MS4A14: variants seen among roughly 807,000 people sequenced by gnomAD.
MS4A14 encodes the protein membrane spanning 4-domains A14.
Under a neutral mutation model 16.7 loss-of-function variants are expected in MS4A14, and 18 were observed. The ratio of observed to expected loss-of-function variants is 1.08; its 90% confidence interval spans 0.75 to 1.60. The LOEUF is 1.60. Among genes scored for constraint, MS4A14 ranks in the 40% most tolerant of loss-of-function variants. The probability of loss-of-function intolerance (pLI) is 0.00; values close to 1 mark genes in which losing one functional copy is unlikely to be tolerated. For missense variants in MS4A14, 812 were observed against 775.3 expected (o/e 1.05, Z -0.56); for synonymous variants, 305 against 289.4 (o/e 1.05, Z -0.55).
rs888439286 is a variant in MS4A14 at position 60,416,153 on chromosome 11, G to A, written c.1185G>A (p.Met395Ile). The stretch of plus-strand genomic sequence containing the variant: ...CTCAAGACACACCATCCCACGCCAT[G>A]CCACCTCAAGACATACCTTCCCAAG... Reference protein sequence around the residue: ...MLSQDTPSHAMPPQDIPSQDM... With the variant: ...MLSQDTPSHAIPPQDIPSQDM... Residue 395 changes from methionine (M) to isoleucine (I), a missense_variant, in exon 5 of 5, where the codon ATG (methionine) becomes ATA (isoleucine). By Grantham distance (10) the Met-to-Ile change is conservative. Transcript: ENST00000300187. 1.9e-6 allele frequency: 3 copies of A among 1,612,460 alleles called. No homozygotes were observed. Among genetic ancestry groups the A allele is most frequent in the African/African-American group, 1.3e-5 (1 of 74,764 alleles).
At chr11:60,406,872 AGTACTCTCT>A (rs1234374301) in intron 4 of MS4A14, among the ~76,000 whole-genome samples, 1 of 152,096 alleles carries the variant, frequency 6.6e-6, no homozygotes, top group Non-Finnish European at 1.5e-5. Context: ...ATCATAAGTA[AGTACTCTCT>A]GTATATGGCT....
At chr11:60,411,137 T>C (rs7106239) in intron 4 of MS4A14, among the ~76,000 whole-genome samples, 113,255 of 152,130 alleles carry the variant, frequency 0.74, 42,336 homozygotes, top group African/African-American at 0.81. Flanking sequence ...TGAGCCACTG[T>C]GCCCGGCCCT....
chr11:60,414,254 G>A (rs114876322), intron 4 of MS4A14, among the ~76,000 whole-genome samples: 16 of 152,004 alleles, frequency 1.1e-4, no homozygotes, highest in African/African-American at 3.9e-4. Flanking sequence ...TAGAAATATA[G>A]AAATCTCTTC....
In MS4A14 at chr11:60,416,218, C is replaced by G. The variant is rs1443952928; in HGVS notation, c.1250C>G (p.Pro417Arg). 1.2e-6 allele frequency: 2 copies of G among 1,613,902 alleles called. No homozygotes were observed. Among genetic ancestry groups the G allele is most frequent in the Non-Finnish European group, 1.7e-6 (2 of 1,179,926 alleles). ...SQALSAHAIL[P>R]EASTSHIVQF... ...GCTCTATCAGCGCATGCCATATTACCTGAAGCCTCAACATCCCATATTGTG... is the reference window on the plus strand; with the variant it reads ...GCTCTATCAGCGCATGCCATATTACGTGAAGCCTCAACATCCCATATTGTG... The change falls in exon 5 of 5, where the codon CCT becomes CGT. Residue 417 changes from proline to arginine, a missense_variant. Physicochemically the swap from Pro to Arg is moderately radical, Grantham distance 103. Coordinates refer to ENST00000300187, the MANE Select transcript of MS4A14 (RefSeq NM_032597.5).
At position 60,416,649 on chromosome 11, in the gene MS4A14, C is replaced by A; in HGVS notation, c.1681C>A (p.Leu561Ile). The A allele has an allele frequency of 6.2e-7, 1 of 1,613,860 alleles. No individual in the cohort carries two copies. Among genetic ancestry groups the A allele is most frequent in the Non-Finnish European group, 8.5e-7 (1 of 1,179,958 alleles). The change falls in exon 5 of 5, where the codon CTC becomes ATC. Residue 561 changes from leucine to isoleucine, a missense_variant. Transcript: ENST00000300187. ...QAQLNQTKEQ[L>I]PDQQAEDQQA... is the part of the protein sequence containing the mutation. The stretch of plus-strand genomic sequence containing the variant: ...TCAACTTAATCAAACTAAAGAGCAA[C>A]TCCCAGATCAGCAAGCTGAAGATCA...
At chr11:60,404,961 T>C (rs1183389279) in intron 4 of MS4A14, among the ~76,000 whole-genome samples, 2 of 152,234 alleles carry the variant, frequency 1.3e-5, no homozygotes, top group Non-Finnish European at 2.9e-5. Flanking sequence ...AATAGGGTCT[T>C]CATACATTTC....
At chr11:60,398,461 T>C (rs2085662604) in intron 2 of MS4A14, among the ~76,000 whole-genome samples, 1 of 152,176 alleles carries the variant, frequency 6.6e-6, no homozygotes, top group African/African-American at 2.4e-5. Flanking sequence ...TAGCCATAAA[T>C]ATTATTCTTA....
chr11:60,411,196 G>A (rs1345826743), intron 4 of MS4A14, among the ~76,000 whole-genome samples: 1 of 152,174 alleles, frequency 6.6e-6, no homozygotes, highest in Non-Finnish European at 1.5e-5. Context: ...AAGTTGGAAA[G>A]TATAATCACT....
chr11:60,415,749 G>T lies in MS4A14; in HGVS notation c.781G>T (p.Glu261Ter), dbSNP rs564833956. Residue 261 changes from glutamate to a stop codon, truncating the protein, a stop_gained, in exon 5 of 5, where the codon GAA (glutamate) becomes TAA (stop). Coordinates refer to ENST00000300187, the MANE Select transcript of MS4A14 (RefSeq NM_032597.5). LOFTEE classifies it low-confidence loss of function (END_TRUNC). ...LPPTLEKKPS[E>*]NMSIQLDSTF... ...TCCCACACTAGAGAAAAAGCCCTCAGAAAATATGTCCATTCAGCTAGACTC... is the reference window on the plus strand; with the variant it reads ...TCCCACACTAGAGAAAAAGCCCTCATAAAATATGTCCATTCAGCTAGACTC... 4 of 1,613,874 alleles carry T rather than the reference G, an allele frequency of 2.5e-6. No homozygotes were observed. The highest frequency in any genetic ancestry group is 1.1e-5 in the South Asian group (1 of 91,072).
chr11:60,408,146 C>T (rs921773298), intron 4 of MS4A14, among the ~76,000 whole-genome samples: 5 of 152,158 alleles, frequency 3.3e-5, no homozygotes, highest in Non-Finnish European at 5.9e-5. Flanking sequence ...AAATGCAATG[C>T]TTTCCTCCAT....
chr11:60,402,832 A>T (rs2085733812), intron 3 of MS4A14, 80 bp from the exon 4 acceptor site: 1 of 1,402,194 alleles, frequency 7.1e-7, no homozygotes, highest in African/African-American at 1.4e-5. Flanking sequence ...GGAAAGATAA[A>T]AGCACTAAAA....
At chr11:60,400,031 G>T (rs2085687615) in intron 2 of MS4A14, among the ~76,000 whole-genome samples, 1 of 152,110 alleles carries the variant, frequency 6.6e-6, no homozygotes, top group East Asian at 1.9e-4. Flanking sequence ...CTTTAGAGGG[G>T]TCTTCCTTGA....
chr11:60,412,631 G>C (rs1429264446), intron 4 of MS4A14, among the ~76,000 whole-genome samples: 1 of 151,666 alleles, frequency 6.6e-6, no homozygotes, highest in East Asian at 1.9e-4. Context: ...TTGCTTTTCA[G>C]TATAGGTAAA....
At position 60,397,949 on chromosome 11, in the gene MS4A14, T is replaced by C; in HGVS notation, c.236T>C (p.Leu79Pro). ...GFSQRLPLVV[L>P]TGYPFWGALI... ...TCCCAAAGACTTCCCCTTGTTGTCC[T>C]CACAGGATATCCATTCTGGGGAGCA... The change falls in exon 2 of 5, where the codon CTC becomes CCC. Residue 79 changes from leucine (L) to proline (P), a missense_variant. Physicochemically the swap from Leu to Pro is moderately conservative, Grantham distance 98. Coordinates refer to ENST00000300187, the MANE Select transcript of MS4A14 (RefSeq NM_032597.5). 6.2e-7 allele frequency: 1 copy of C among 1,613,554 alleles called. No homozygotes were observed. The highest frequency in any genetic ancestry group is 8.5e-7 in the Non-Finnish European group (1 of 1,179,612).
intron 4 of MS4A14, among the ~76,000 whole-genome samples, 187 bp from the exon 5 acceptor site, chr11:60,415,250 G>A (rs1009951026): frequency 6.6e-6 from 1 of 152,058 alleles, no homozygotes. Flanking sequence ...ACTAAAAGGT[G>A]ATGACTTCTA....
At chr11:60,409,964 T>C (rs2085845392) in intron 4 of MS4A14, among the ~76,000 whole-genome samples, 1 of 152,194 alleles carries the variant, frequency 6.6e-6, no homozygotes, top group Non-Finnish European at 1.5e-5. Flanking sequence ...TTCTCCTGTT[T>C]CAGTCTCCTG....
chr11:60,410,113 C>G (rs919280257), intron 4 of MS4A14, among the ~76,000 whole-genome samples: 1 of 152,194 alleles, frequency 6.6e-6, no homozygotes, highest in African/African-American at 2.4e-5. Flanking sequence ...TCCACCTTGG[C>G]CTTCCAAACT....
intron 4 of MS4A14, among the ~76,000 whole-genome samples, chr11:60,406,824 A>C (rs1346631884): frequency 6.6e-6 from 1 of 152,118 alleles, no homozygotes; most frequent in Non-Finnish European, 1.5e-5. Flanking sequence ...CTCATCACCT[A>C]GATTGGTTTT....
At chr11:60,399,148 C>A (rs1214891159) in intron 2 of MS4A14, among the ~76,000 whole-genome samples, 1 of 152,206 alleles carries the variant, frequency 6.6e-6, no homozygotes, top group African/African-American at 2.4e-5. Context: ...AGTTTGTCAT[C>A]TAACTGGGAG....
Sources: gnomAD v4.1 joint callset for allele counts (sites outside exome capture counted in the v4.1 genomes callset) on GRCh38, gnomAD v4.1.1 for gene constraint, MANE v1.5 for transcripts, NCBI Gene and HGNC (gene_info 2026-07-23, HGNC 2026-07-21) for gene names.